C3: variants seen among roughly 807,000 people sequenced by gnomAD.
C3 encodes the protein complement C3, also known as C3 and PZP-like alpha-2-macroglobulin domain-containing protein 1.
A neutral mutation model predicts 207.9 loss-of-function variants in C3; 97 were observed. That is an observed-to-expected ratio of 0.47 (90% CI 0.40 to 0.55). The LOEUF is 0.55. Among genes scored for constraint, C3 ranks in the 20% least tolerant of loss-of-function variants. C3 has a pLI of 0.00. For synonymous variants in C3, 848 were observed against 857.6 expected (o/e 0.99, Z 0.20); for missense variants, 1,684 against 2,171.7 (o/e 0.78, Z 4.46).
At chr19:6,704,700 A>G (rs1967737717) in intron 17 of C3, among the ~76,000 whole-genome samples, 1 of 152,062 alleles carries the variant, frequency 6.6e-6, no homozygotes, top group South Asian at 2.1e-4. Context: ...CGGAGGTTGT[A>G]GTGAGCCAAG....
At position 6,719,343 on chromosome 19, in the gene C3, C is replaced by T. The variant is rs1968117537; in HGVS notation, c.135G>A (p.Glu45=). Residue 45 remains glutamate (E), a synonymous_variant, in exon 2 of 41, where the codon GAG becomes GAA. Transcript: ENST00000245907. This position sits in a 1 kb window ranked among gnomAD's most constrained non-coding sequence, Gnocchi z 5.4. The part of the protein sequence containing the change: ...RLESEETMVL[E]AHDAQGDVPV... ...GAACATCCCCTTGCGCGTCGTGGGC[C>T]TCCAGCACCATGGTCTCCTCGCTCT... 1.9e-6 allele frequency: 3 copies of T among 1,613,896 alleles called. No homozygotes were observed. The highest frequency in any genetic ancestry group is 1.7e-5 in the Admixed American group (1 of 59,984).
chr19:6,686,776 G>GGGGC lies in C3; in HGVS notation c.3615_3616insGCCC (p.Leu1206AlafsTer4). On this transcript the variant is annotated frameshift_variant, in exon 28 of 41. Transcript: ENST00000245907. LOFTEE classifies it high-confidence loss of function. ...GCTGTGGTCAGAAATTTGTTAAGAAGAGGCCCCTTCAGCCTGCCCATCTGG... is the reference window on the plus strand; with the variant it reads ...GCTGTGGTCAGAAATTTGTTAAGAAGGGGCAGGCCCCTTCAGCCTGCCCATCTGG... 1 of 1,614,152 alleles carries GGGGC rather than the reference G, an allele frequency of 6.2e-7. No homozygotes were observed. The highest frequency in any genetic ancestry group is 8.5e-7 in the Non-Finnish European group (1 of 1,180,028).
intron 1 of C3, 59 bp downstream of exon 1, chr19:6,720,457 A>C (rs1301060171): frequency 7.8e-7 from 1 of 1,278,402 alleles, no homozygotes; most frequent in Non-Finnish European, 1.1e-6. Context: ...CTGGACCCCC[A>C]AATGTCTGCT....
Position 6,693,455 on chromosome 19 carries a change from T to G in C3, c.3187A>C (p.Ser1063Arg), listed in dbSNP as rs746613468. Residue 1063 changes from serine to arginine, a missense_variant, in exon 25 of 41, where the codon AGC becomes CGC. By Grantham distance (110) the Ser-to-Arg change is moderately radical. Coordinates refer to ENST00000245907, the MANE Select transcript of C3 (RefSeq NM_000064.4). ...TTCACGAAGGCCGCAAAGGCAGAGC[T>G]GGGTTGTCTGAAGGCCAGCTGCTGG... ...YTQQLAFRQP[S>R]SAFAAFVKRA... The G allele has an allele frequency of 6.2e-7, 1 of 1,612,418 alleles. No homozygotes were observed. The highest frequency in any genetic ancestry group is 8.5e-7 in the Non-Finnish European group (1 of 1,179,556).
Position 6,710,721 on chromosome 19 carries a change from T to C in C3, c.1604A>G (p.Tyr535Cys), listed in dbSNP as rs1412617510. Residue 535 changes from tyrosine to cysteine, a missense_variant, in exon 13 of 41, where the codon TAC becomes TGC. Transcript: ENST00000245907. ...FIPSFRLVAY[Y>C]TLIGASGQRE... ...CTGGCCGCTGGCACCGATCAGCGTG[T>C]AGTACGCCACCAGGCGGAAGGAAGG... is the stretch of plus-strand genomic sequence containing the variant. 3 of 1,613,632 alleles carry C rather than the reference T, an allele frequency of 1.9e-6. No homozygotes were observed. Among genetic ancestry groups the C allele is most frequent in the East Asian group, 2.2e-5 (1 of 44,888 alleles).
intron 26 of C3, 101 bp downstream of exon 26, chr19:6,692,823 A>G: frequency 7.2e-7 from 1 of 1,394,300 alleles, no homozygotes; most frequent in South Asian, 1.2e-5. Flanking sequence ...TGCAAAGGGA[A>G]TTGGGCAGTG....
At chr19:6,716,812 G>A (rs543446835) in intron 4 of C3, 9 of 151,978 alleles carry the variant, frequency 5.9e-5, no homozygotes, top group Middle Eastern at 3.4e-3. Context: ...TGTGTGTAGC[G>A]GGGAGGGGGG....
chr19:6,683,738 G>A (rs11569546), intron 33 of C3, among the ~76,000 whole-genome samples: 19,232 of 152,092 alleles, frequency 0.13, 1,290 homozygotes, highest in East Asian at 0.18. Context: ...GGCGCGAGCC[G>A]CCACACCCGG....
At chr19:6,689,326 TACCTCCCTCC>T (rs1918097129) in intron 27 of C3, among the ~76,000 whole-genome samples, 4 of 62,504 alleles carry the variant, frequency 6.4e-5, no homozygotes, top group African/African-American at 2.5e-4. Context: ...TCTCTCTACC[TACCTCCCTCC>T]CTCCCTCCCT....
chr19:6,719,329 T>C lies in C3; in HGVS notation c.149A>G (p.Gln50Arg). Residue 50 changes from glutamine (Q) to arginine (R), a missense_variant, in exon 2 of 41, where the codon CAA becomes CGA. Coordinates refer to ENST00000245907, the MANE Select transcript of C3 (RefSeq NM_000064.4). The surrounding 1 kb of genome is among the most constrained non-coding windows in gnomAD (Gnocchi z 5.4). ...AGTAACAGTGACTGGAACATCCCCT[T>C]GCGCGTCGTGGGCCTCCAGCACCAT... ...ETMVLEAHDA[Q>R]GDVPVTVTVH... 6.2e-7 allele frequency: 1 copy of C among 1,613,996 alleles called. No homozygotes were observed. The highest frequency in any genetic ancestry group is 2.2e-5 in the East Asian group (1 of 44,880).
chr19:6,693,643 G>C (rs11569491), intron 24 of C3, among the ~76,000 whole-genome samples, 156 bp from the exon 25 acceptor site: 3,565 of 152,080 alleles, frequency 0.023, 49 homozygotes, highest in South Asian at 0.04. Flanking sequence ...GACTCAAAGA[G>C]GGTGGGGGAT....
intron 14 of C3, 129 bp downstream of exon 14, chr19:6,709,554 TG>T: frequency 9.7e-7 from 1 of 1,033,418 alleles, no homozygotes; most frequent in Non-Finnish European, 1.5e-6. Flanking sequence ...TCCCTGTGTC[TG>T]GTCTGCTCCG....
At chr19:6,709,615 A>ACCCC in intron 14 of C3, 69 bp downstream of exon 14, 1 of 403,608 alleles carries the variant, frequency 2.5e-6, no homozygotes, top group South Asian at 2.5e-5. Context: ...CTCCAGTCCC[A>ACCCC]CCCACCTCCC....
intron 14 of C3, 36 bp downstream of exon 14, chr19:6,709,648 G>A (rs370576848): frequency 4.7e-5 from 46 of 968,952 alleles, no homozygotes; most frequent in Middle Eastern, 2.4e-4. Flanking sequence ...CCGTGCCTCC[G>A]CCTCTTCTCA....
chr19:6,684,520 G>A (rs1327310974), intron 32 of C3, 40 bp downstream of exon 32: 2 of 1,575,330 alleles, frequency 1.3e-6, no homozygotes, highest in Non-Finnish European at 1.7e-6. Context: ...TAGAAGAGGG[G>A]TAGGAGGAAG....
intron 26 of C3, among the ~76,000 whole-genome samples, chr19:6,691,047 G>A (rs938215144): frequency 1.4e-5 from 2 of 141,268 alleles, no homozygotes; most frequent in Non-Finnish European, 1.5e-5. Flanking sequence ...CTCCTCAAGA[G>A]ATATACACTT....
At position 6,693,072 on chromosome 19, in the gene C3, T is replaced by A. The variant is rs531259592; in HGVS notation, c.3242A>T (p.Tyr1081Phe). The A allele has an allele frequency of 1.2e-6, 2 of 1,614,088 alleles. No homozygotes were observed. The highest frequency in any genetic ancestry group is 1.7e-6 in the Non-Finnish European group (2 of 1,180,022). ...KRAPSTWLTAYVVKVFSLAVN... is the reference protein window; with the variant it reads ...KRAPSTWLTAFVVKVFSLAVN... ...AGCCAGAGAGAAGACCTTGACCACG[T>A]AGGCGGTCAGCCTGGAGTGGGCACA... is the stretch of plus-strand genomic sequence containing the variant. The change falls in exon 26 of 41, where the codon TAC becomes TTC. Residue 1081 changes from tyrosine (Y) to phenylalanine (F), a missense_variant. Physicochemically the swap from Tyr to Phe is conservative, Grantham distance 22 (BLOSUM62 3). This residue lies in a region of C3 where 1,280 missense variants were observed against 1,739.1 expected (regional missense o/e 0.74). Transcript: ENST00000245907.
intron 19 of C3, 23 bp downstream of exon 19, chr19:6,702,104 G>A: frequency 7.2e-7 from 1 of 1,388,934 alleles, no homozygotes; most frequent in Middle Eastern, 1.8e-4. Context: ...GCCTCCCGGG[G>A]ACCAGCCAGC....
intron 27 of C3, among the ~76,000 whole-genome samples, chr19:6,689,320 T>TCTGCCTACCTAC (rs1555684196): frequency 4.1e-5 from 3 of 72,344 alleles, no homozygotes; most frequent in Non-Finnish European, 8.0e-5. Context: ...TCTCTCTCTC[T>TCTGCCTACCTAC]CTACCTACCT....
Sources: gnomAD v4.1 joint callset for allele counts (sites outside exome capture counted in the v4.1 genomes callset) on GRCh38, gnomAD v4.1.1 for gene constraint, gnomAD v4.1.1 regional missense constraint, Gnocchi (gnomAD v3.1) non-coding constraint, MANE v1.5 for transcripts, NCBI Gene and HGNC (gene_info 2026-07-23, HGNC 2026-07-21) for gene names.